CNTN4: variants seen among roughly 807,000 people sequenced by gnomAD.
CNTN4 encodes contactin 4, also known as contactin-4.
In CNTN4, 77 loss-of-function variants were observed where a neutral mutation model predicts 122.5. That is an observed-to-expected ratio of 0.63 (90% CI 0.52 to 0.76). The LOEUF (loss-of-function observed/expected upper bound fraction) is 0.76, where lower values mean the gene tolerates loss of function less well. CNTN4 is among the 30% of genes least tolerant of loss of function. The pLI is 0.00. For synonymous variants in CNTN4, 512 were observed against 447.0 expected, an observed-to-expected ratio of 1.15 and a Z score of -1.83; for missense variants, 1,256 against 1,259.1, an observed-to-expected ratio of 1.00 and a Z score of 0.04.
chr3:2,853,636 C>G (rs2093583615), intron 7 of CNTN4, among the ~76,000 whole-genome samples: 1 of 152,178 alleles, frequency 6.6e-6, no homozygotes, highest in South Asian at 2.1e-4. Flanking sequence ...CATGTACTCA[C>G]TTCTCTGCCT....
intron 7 of CNTN4, among the ~76,000 whole-genome samples, chr3:2,848,617 A>C (rs1042522682): frequency 9.9e-5 from 15 of 152,242 alleles, no homozygotes; most frequent in Admixed American, 6.5e-5. Flanking sequence ...TATTAACTAC[A>C]ACTAGATTTT....
chr3:2,690,467 A>G (rs114404047), intron 4 of CNTN4, among the ~76,000 whole-genome samples: 3 of 152,136 alleles, frequency 2.0e-5, no homozygotes, highest in Admixed American at 6.6e-5. Flanking sequence ...CCCTTATTTT[A>G]TCATCAATAA....
At position 2,891,310 on chromosome 3, in the gene CNTN4, G is replaced by A. The variant is rs1577174694; in HGVS notation, c.940+4086G>A. Reference sequence around the variant, plus strand: ...AATATAAAAATTAGCTGGGTGTGGTGGTGGTGCATGCCGGTAGTCCCAACT... The same window carrying A: ...AATATAAAAATTAGCTGGGTGTGGTAGTGGTGCATGCCGGTAGTCCCAACT... On this transcript the variant is annotated intron_variant, in intron 10 of 24. Coordinates refer to ENST00000418658, the MANE Select transcript of CNTN4 (RefSeq NM_175607.3). Among the ~76,000 whole-genome samples the A allele has an allele frequency of 5.3e-5, 8 of 152,062 alleles. No individual in the cohort carries two copies. The South Asian group carries it at 1.7e-3, about 32-fold the overall frequency.
At chr3:2,203,236 C>T (rs546215792) in intron 2 of CNTN4, among the ~76,000 whole-genome samples, 2 of 152,206 alleles carry the variant, frequency 1.3e-5, no homozygotes, top group Admixed American at 1.3e-4. Context: ...AAAATGAAAG[C>T]ATTAGGACTA....
chr3:2,427,402 T>C (rs2047881881), intron 3 of CNTN4, among the ~76,000 whole-genome samples: 1 of 152,214 alleles, frequency 6.6e-6, no homozygotes, highest in South Asian at 2.1e-4. Context: ...TTCTTAATCC[T>C]GAGTTCTAGT....
chr3:2,899,635 G>T (rs184173350), intron 10 of CNTN4, among the ~76,000 whole-genome samples: 8 of 152,154 alleles, frequency 5.3e-5, no homozygotes, highest in Non-Finnish European at 8.8e-5. Context: ...AATAAGGAAA[G>T]AAAATGTGAC....
chr3:2,806,832 AG>A (rs1384524821), intron 6 of CNTN4, among the ~76,000 whole-genome samples: 1 of 152,098 alleles, frequency 6.6e-6, no homozygotes, highest in African/African-American at 2.4e-5. Context: ...GAGTTGGCAA[AG>A]GGGGGAGTGA....
chr3:2,306,861 A>G (rs2042727077), intron 2 of CNTN4, among the ~76,000 whole-genome samples: 1 of 150,960 alleles, frequency 6.6e-6, no homozygotes, highest in Non-Finnish European at 1.5e-5. Flanking sequence ...TTTGTTCCTA[A>G]GTATTTTATT....
intron 13 of CNTN4, among the ~76,000 whole-genome samples, chr3:2,941,511 T>G (rs2094614934): frequency 6.6e-6 from 1 of 152,198 alleles, no homozygotes; most frequent in African/African-American, 2.4e-5. Flanking sequence ...TAGAAATCAC[T>G]GCTAATTTCT....
intron 2 of CNTN4, among the ~76,000 whole-genome samples, chr3:2,295,506 C>T (rs575717684): frequency 3.3e-5 from 5 of 151,220 alleles, no homozygotes; most frequent in Non-Finnish European, 5.9e-5. Flanking sequence ...ATATCCTTCG[C>T]CCACTTTTTG....
chr3:2,723,202 A>G (rs1372281307), intron 4 of CNTN4, among the ~76,000 whole-genome samples: 3 of 152,148 alleles, frequency 2.0e-5, no homozygotes, highest in Admixed American at 6.5e-5. Context: ...TTGGAAAATC[A>G]AGATTCTGGT....
At position 2,777,288 on chromosome 3, in the gene CNTN4, A is replaced by G. The variant is rs550725378; in HGVS notation, c.358+31591A>G. 1.2e-4 allele frequency among the ~76,000 whole-genome samples: 18 copies of G among 152,312 alleles called. No individual in the cohort carries two copies. The East Asian group carries it at 1.7e-3, about 15-fold the overall frequency. On this transcript the variant is annotated intron_variant, in intron 6 of 24. Transcript: ENST00000418658. ...TAAGACTACTCAATATTCCATATCT[A>G]TCTCAGGTTAATTATGCTTCCCCCA...
chr3:2,769,500 T>C (rs372853909), intron 6 of CNTN4, among the ~76,000 whole-genome samples: 8 of 150,632 alleles, frequency 5.3e-5, no homozygotes, highest in African/African-American at 1.7e-4. Flanking sequence ...CAAAAGGCAG[T>C]GTTTAGTCAA....
chr3:2,351,386 C>T (rs1211167879), intron 3 of CNTN4, among the ~76,000 whole-genome samples: 1 of 152,142 alleles, frequency 6.6e-6, no homozygotes, highest in Non-Finnish European at 1.5e-5. Flanking sequence ...GTTCAGCATG[C>T]AGAAGGAGAG....
Position 2,261,637 on chromosome 3 carries a change from G to C in CNTN4, c.-144-77541G>C, listed in dbSNP as rs562441204. Among the ~76,000 whole-genome samples the C allele has an allele frequency of 7.9e-4, 121 of 152,216 alleles. 1 individual carries two copies. Among genetic ancestry groups the C allele is most frequent in the Middle Eastern group, 6.8e-3 (2 of 294 alleles). On this transcript the variant is annotated intron_variant, in intron 2 of 24. Transcript: ENST00000418658. ...TAACTATCAACACCAACTATTCCAG[G>C]CTGCAGAATTTCAGTTTGAAACGGT...
At chr3:2,607,807 A>G (rs2081323766) in intron 4 of CNTN4, among the ~76,000 whole-genome samples, 1 of 152,136 alleles carries the variant, frequency 6.6e-6, no homozygotes. Flanking sequence ...GTTCTTACCT[A>G]TTATGTCTGG....
At chr3:2,807,724 G>A (rs1462686330) in intron 6 of CNTN4, among the ~76,000 whole-genome samples, 1 of 152,042 alleles carries the variant, frequency 6.6e-6, no homozygotes, top group African/African-American at 2.4e-5. Flanking sequence ...AATGAGTCCA[G>A]CAATCCCTAC....
At chr3:2,177,672 G>A (rs1347974050) in intron 2 of CNTN4, among the ~76,000 whole-genome samples, 2 of 151,624 alleles carry the variant, frequency 1.3e-5, no homozygotes, top group African/African-American at 2.4e-5. Flanking sequence ...GTGTGTGTGT[G>A]TGTGTGTGTG....
chr3:2,132,702 T>A (rs926568589), intron 2 of CNTN4, among the ~76,000 whole-genome samples: 9 of 152,266 alleles, frequency 5.9e-5, no homozygotes, highest in Middle Eastern at 3.4e-3. Context: ...ATTCTGCCAT[T>A]TTCTCACTCG....
Sources: gnomAD v4.1 joint callset for allele counts (sites outside exome capture counted in the v4.1 genomes callset) on GRCh38, gnomAD v4.1.1 for gene constraint, MANE v1.5 for transcripts, NCBI Gene and HGNC (gene_info 2026-07-23, HGNC 2026-07-21) for gene names.